PWWP3B: variants seen among roughly 807,000 people sequenced by gnomAD.
The protein encoded by PWWP3B is PWWP domain containing 3B.
PWWP3B carries 5 observed loss-of-function variants against 15.7 expected under a neutral mutation model. The observed-to-expected ratio is 0.32, with a 90% CI of 0.17 to 0.67. The LOEUF is 0.67. PWWP3B is among the 30% of genes least tolerant of loss of function. The pLI is 0.74. For missense variants in PWWP3B, 519 were observed against 493.1 expected, an observed-to-expected ratio of 1.05 and a Z score of -0.50; for synonymous variants, 203 against 179.8, an observed-to-expected ratio of 1.13 and a Z score of -1.03.
chrX:106,178,202 A>G (rs763680111), intron 2 of PWWP3B, among the ~76,000 whole-genome samples: 1 of 111,948 alleles, frequency 8.9e-6, no homozygotes, highest in Non-Finnish European at 1.9e-5. Context: ...AGGTACAGCC[A>G]TGGTCAGCAA....
intron 2 of PWWP3B, among the ~76,000 whole-genome samples, chrX:106,183,077 A>G (rs1922304295): frequency 9.0e-6 from 1 of 110,860 alleles, no homozygotes; most frequent in African/African-American, 3.3e-5. Context: ...TGGTGAATCC[A>G]AGATTCCACT....
At chrX:106,188,978 G>A (rs1167095860) in intron 2 of PWWP3B, among the ~76,000 whole-genome samples, 3 of 111,895 alleles carry the variant, frequency 2.7e-5, no homozygotes, top group Admixed American at 9.5e-5. Context: ...AGGTCTTTGT[G>A]TATACATAAG....
intron 2 of PWWP3B, among the ~76,000 whole-genome samples, chrX:106,190,962 T>C (rs1922902680): frequency 9.0e-6 from 1 of 111,564 alleles, no homozygotes; most frequent in African/African-American, 3.3e-5. Flanking sequence ...GTAGTATAGT[T>C]TGAAGTCAGG....
chrX:106,203,386 G>T (rs1398812837), intron 2 of PWWP3B, among the ~76,000 whole-genome samples: 2 of 111,443 alleles, frequency 1.8e-5, no homozygotes, highest in African/African-American at 6.5e-5. Context: ...AGAAGCCTGA[G>T]AAGACTCCTG....
rs1426373013 is a variant in PWWP3B, at chrX:106,205,248, C to T, written c.-185C>T. 1 of 366,665 alleles carries T rather than the reference C, an allele frequency of 2.7e-6. No individual in the cohort carries two copies. The highest frequency in any genetic ancestry group is 4.7e-6 in the Non-Finnish European group (1 of 213,717). 30.2% of individuals were successfully genotyped at this position (366,665 alleles called of 1,213,427 possible). ...TTCCGGTATCATCCTATTCAAACAACGTGTTCAAGCATCCTTGGAAAATTG... is the reference window on the plus strand; with the variant it reads ...TTCCGGTATCATCCTATTCAAACAATGTGTTCAAGCATCCTTGGAAAATTG... On this transcript the variant is annotated 5_prime_UTR_variant, in exon 4 of 4. It adds an upstream start codon to the 5' untranslated region. Coordinates refer to ENST00000357175, the MANE Select transcript of PWWP3B (RefSeq NM_001171020.2).
intron 2 of PWWP3B, among the ~76,000 whole-genome samples, chrX:106,202,214 CA>C (rs1296388943): frequency 9.0e-6 from 1 of 111,606 alleles, no homozygotes; most frequent in African/African-American, 3.3e-5. Context: ...GAAAAGGGAT[CA>C]AATATGTAGT....
At chrX:106,204,557 T>C (rs753381580) in intron 3 of PWWP3B, among the ~76,000 whole-genome samples, 1 of 112,079 alleles carries the variant, frequency 8.9e-6, no homozygotes, top group African/African-American at 3.2e-5. Flanking sequence ...CTTCTAAAAT[T>C]ATGCTTTTAG....
At chrX:106,170,301 A>G (rs1921546665) in intron 1 of PWWP3B, among the ~76,000 whole-genome samples, 1 of 112,314 alleles carries the variant, frequency 8.9e-6, no homozygotes, top group African/African-American at 3.2e-5. Context: ...AGAGCAAACC[A>G]TTACATTTTG....
At chrX:106,176,878 C>T (rs1057221800) in intron 2 of PWWP3B, among the ~76,000 whole-genome samples, 1 of 111,916 alleles carries the variant, frequency 8.9e-6, no homozygotes, top group Non-Finnish European at 1.9e-5. Flanking sequence ...ATTAAAATTT[C>T]AGGGAATTGC....
At chrX:106,197,473 G>A (rs1346962571) in intron 2 of PWWP3B, among the ~76,000 whole-genome samples, 1 of 111,710 alleles carries the variant, frequency 9.0e-6, no homozygotes, top group East Asian at 2.8e-4. Context: ...ATGACAGAAA[G>A]GTTCTGTGGG....
intron 2 of PWWP3B, among the ~76,000 whole-genome samples, chrX:106,195,822 A>G (rs1200264197): frequency 3.6e-5 from 4 of 111,937 alleles, no homozygotes; most frequent in Non-Finnish European, 7.5e-5. Context: ...CTCAATTTCT[A>G]TGAAAAACCT....
chrX:106,183,276 T>TG (rs1228775329), intron 2 of PWWP3B, among the ~76,000 whole-genome samples: 1 of 111,957 alleles, frequency 8.9e-6, no homozygotes, highest in African/African-American at 3.3e-5. Flanking sequence ...ATTGGGGTGT[T>TG]GCAGGGACTA....
chrX:106,198,308 T>G (rs1923497830), intron 2 of PWWP3B, among the ~76,000 whole-genome samples: 1 of 111,687 alleles, frequency 9.0e-6, no homozygotes, highest in Non-Finnish European at 1.9e-5. Context: ...ACCACAGCTA[T>G]ACTTTTGTCT....
intron 2 of PWWP3B, among the ~76,000 whole-genome samples, chrX:106,173,535 C>G (rs972321805): frequency 5.4e-4 from 60 of 111,155 alleles, no homozygotes; most frequent in African/African-American, 2.0e-3. Flanking sequence ...CTCTTTTCTT[C>G]TTTGCCATGT....
At chrX:106,200,239 G>A (rs939544801) in intron 2 of PWWP3B, among the ~76,000 whole-genome samples, 1 of 111,715 alleles carries the variant, frequency 9.0e-6, no homozygotes, top group Non-Finnish European at 1.9e-5. Flanking sequence ...AGAAGATTGG[G>A]TCTCTTAATG....
chrX:106,205,983 C>G lies in PWWP3B; in HGVS notation c.551C>G (p.Thr184Arg). Residue 184 changes from threonine (T) to arginine (R), a missense_variant, in exon 4 of 4, where the codon ACA (threonine) becomes AGA (arginine). Physicochemically the swap from Thr to Arg is moderately conservative, Grantham distance 71. Coordinates refer to ENST00000357175, the MANE Select transcript of PWWP3B (RefSeq NM_001171020.2). ...MVDTIPSEVE[T>R]KSLQNSSWCE... is the part of the protein sequence containing the mutation. ...GATACTATTCCAAGTGAAGTGGAAA[C>G]AAAGTCATTACAAAACTCTAGCTGG... The G allele has an allele frequency of 8.3e-7, 1 of 1,209,400 alleles. No individual in the cohort carries two copies.
At chrX:106,196,617 C>A (rs1923390160) in intron 2 of PWWP3B, among the ~76,000 whole-genome samples, 1 of 111,223 alleles carries the variant, frequency 9.0e-6, no homozygotes, top group Non-Finnish European at 1.9e-5. Context: ...AATGTTGAAC[C>A]ATCCATACAT....
chrX:106,179,660 A>G (rs758003761), intron 2 of PWWP3B, among the ~76,000 whole-genome samples: 1 of 111,915 alleles, frequency 8.9e-6, no homozygotes, highest in African/African-American at 3.2e-5. Context: ...CCAGACAAGC[A>G]GTTGGAGTAA....
chrX:106,187,931 C>T lies in PWWP3B; in HGVS notation c.-400-16054C>T, dbSNP rs138069618. On this transcript the variant is annotated intron_variant, in intron 2 of 3. Transcript: ENST00000357175. ...TACGTTACTCAGCTTCTGCTTTTAA[C>T]TGGGTACATATTCTTAACTATATCA... 4.6e-3 allele frequency among the ~76,000 whole-genome samples: 517 copies of T among 111,970 alleles called. 1 individual carries two copies. The highest frequency in any genetic ancestry group is 0.016 in the African/African-American group (494 of 30,794).
Sources: gnomAD v4.1 joint callset for allele counts (sites outside exome capture counted in the v4.1 genomes callset) on GRCh38, gnomAD v4.1.1 for gene constraint, MANE v1.5 for transcripts, NCBI Gene and HGNC (gene_info 2026-07-23, HGNC 2026-07-21) for gene names.